The following ZNF628 variants were observed in gnomAD, a reference collection of about 807,000 sequenced individuals.
ZNF628 encodes the protein zinc finger protein 628.
A neutral mutation model predicts 2.5 loss-of-function variants in ZNF628; 3 were observed. The observed-to-expected ratio is 1.19, with a 90% CI of 0.54 to 3.07. The LOEUF (loss-of-function observed/expected upper bound fraction) is 3.07, where lower values mean the gene tolerates loss of function less well. Ranked by LOEUF, ZNF628 falls within the 30% of genes most tolerant of loss-of-function variation. The probability of loss-of-function intolerance (pLI) is 0.03; values close to 1 mark genes in which losing one functional copy is unlikely to be tolerated. For missense variants in ZNF628, 1,610 were observed against 1,517.1 expected (o/e 1.06, Z -1.02); for synonymous variants, 861 against 717.1 (o/e 1.20, Z -3.21).
chr19:55,480,249 C>CTTTTTTT (rs35704154), intron 2 of ZNF628, among the ~76,000 whole-genome samples: 1 of 128,226 alleles, frequency 7.8e-6, no homozygotes, highest in African/African-American at 3.0e-5. Flanking sequence ...TTTTTTTTTC[C>CTTTTTTT]TTTTTTTTTT....
chr19:55,480,273 T>G (rs1599897724), intron 2 of ZNF628, among the ~76,000 whole-genome samples: 23 of 113,694 alleles, frequency 2.0e-4, no homozygotes, highest in South Asian at 5.4e-4. Context: ...TGAGATGGAG[T>G]CTCTCTCTAT....
chr19:55,480,592 T>C (rs1986674391), intron 2 of ZNF628, among the ~76,000 whole-genome samples: 1 of 152,102 alleles, frequency 6.6e-6, no homozygotes, highest in South Asian at 2.1e-4. Context: ...GGCTAATTTT[T>C]GTATTTTTAA....
chr19:55,481,281 C>T lies in ZNF628; in HGVS notation c.88C>T (p.Pro30Ser). 1.9e-6 allele frequency: 3 copies of T among 1,600,246 alleles called. No individual in the cohort carries two copies. Among genetic ancestry groups the T allele is most frequent in the Non-Finnish European group, 2.6e-6 (3 of 1,174,962 alleles). Residue 30 changes from proline to serine, a missense_variant, in exon 3 of 3, where the codon CCT becomes TCT. By Grantham distance (74) the Pro-to-Ser change is moderately conservative. Around this residue, in one of 5 missense-constraint regions of ZNF628, gnomAD observed 60 missense variants for 46.8 expected, o/e 1.28. Coordinates refer to ENST00000598519, the MANE Select transcript of ZNF628 (RefSeq NM_033113.3). ...CGGGGAGAAGCCAGGCCCTGCGGCC[C>T]CTGCCCCGGCGGCCCAGTACGAATG... ...GAGEKPGPAAPAPAAQYECGE... is the reference protein window; with the variant it reads ...GAGEKPGPAASAPAAQYECGE...
Position 55,483,430 on chromosome 19 carries a change from C to T in ZNF628, c.2237C>T (p.Pro746Leu). 1 of 1,518,038 alleles carries T rather than the reference C, an allele frequency of 6.6e-7. No homozygotes were observed. 94.0% of individuals were successfully genotyped at this position (1,518,038 alleles called of 1,614,324 possible). A position where few individuals can be genotyped will look rare whatever the true frequency, so the allele number is the denominator to read the frequency against. The stretch of plus-strand genomic sequence containing the variant: ...GCACCTCCCAAGCTCATCCTGCTGC[C>T]CTCCTCCAGTGCTGGGGCTGGGGGC... ...PPAPPKLILL[P>L]SSSAGAGGGR... The change falls in exon 3 of 3, where the codon CCC becomes CTC. Residue 746 changes from proline (P) to leucine (L), a missense_variant. Coordinates refer to ENST00000598519, the MANE Select transcript of ZNF628 (RefSeq NM_033113.3).
At position 55,481,834 on chromosome 19, in the gene ZNF628, C is replaced by G. The variant is rs775868409; in HGVS notation, c.641C>G (p.Thr214Ser). The stretch of plus-strand genomic sequence containing the variant: ...TGCCCGCTCTGCCCCAAGACCTTCA[C>G]CCACTCCTCCAACCTGCTGCTGCAC... ...FRCPLCPKTF[T>S]HSSNLLLHQR... Residue 214 changes from threonine (T) to serine (S), a missense_variant, in exon 3 of 3, where the codon ACC becomes AGC. Around this residue, in one of 5 missense-constraint regions of ZNF628, gnomAD observed 651 missense variants for 575.6 expected, o/e 1.13. Transcript: ENST00000598519. 1 of 1,594,392 alleles carries G rather than the reference C, an allele frequency of 6.3e-7. No homozygotes were observed. The highest frequency in any genetic ancestry group is 8.5e-7 in the Non-Finnish European group (1 of 1,172,072).
Position 55,481,935 on chromosome 19 carries a change from A to C in ZNF628, c.742A>C (p.Lys248Gln). 4 of 1,430,056 alleles carry C rather than the reference A, an allele frequency of 2.8e-6. No homozygotes were observed. Among genetic ancestry groups the C allele is most frequent in the Non-Finnish European group, 3.7e-6 (4 of 1,095,156 alleles). The allele number at this position is 1,430,056 out of a possible 1,614,324, so 88.6% of individuals were successfully genotyped here. A position where few individuals can be genotyped will look rare whatever the true frequency, so the allele number is the denominator to read the frequency against. ...GCCCCCCCAGTCCCGGGAGCCCGGC[A>C]AGGTCTTCGTGTGCGACGCCTACCT... is the stretch of plus-strand genomic sequence containing the variant. ...APPPQSREPG[K>Q]VFVCDAYLQR... The change falls in exon 3 of 3, where the codon AAG (lysine) becomes CAG (glutamine). Residue 248 changes from lysine to glutamine, a missense_variant. Lys to Gln is a moderately conservative substitution (Grantham distance 53, BLOSUM62 1). This residue lies in a region of ZNF628 where 651 missense variants were observed against 575.6 expected (regional missense o/e 1.13). Coordinates refer to ENST00000598519, the MANE Select transcript of ZNF628 (RefSeq NM_033113.3).
rs763096386 is a variant in ZNF628 at position 55,481,285 on chromosome 19, C to A, written c.92C>A (p.Ala31Asp). Residue 31 changes from alanine to aspartate, a missense_variant, in exon 3 of 3, where the codon GCC becomes GAC. Coordinates refer to ENST00000598519, the MANE Select transcript of ZNF628 (RefSeq NM_033113.3). Reference sequence around the variant, plus strand: ...GAGAAGCCAGGCCCTGCGGCCCCTGCCCCGGCGGCCCAGTACGAATGTGGG... The same window carrying A: ...GAGAAGCCAGGCCCTGCGGCCCCTGACCCGGCGGCCCAGTACGAATGTGGG... ...AGEKPGPAAPAPAAQYECGEC... is the reference protein window; with the variant it reads ...AGEKPGPAAPDPAAQYECGEC... 1.2e-5 allele frequency: 19 copies of A among 1,601,308 alleles called. No individual in the cohort carries two copies. The highest frequency in any genetic ancestry group is 1.6e-4 in the Middle Eastern group (1 of 6,068).
At position 55,483,971 on chromosome 19, in the gene ZNF628, A is replaced by C; in HGVS notation, c.2778A>C (p.Thr926=). The C allele has an allele frequency of 6.4e-7, 1 of 1,573,714 alleles. No individual in the cohort carries two copies. Among genetic ancestry groups the C allele is most frequent in the Non-Finnish European group, 8.6e-7 (1 of 1,157,682 alleles). The change falls in exon 3 of 3, where the codon ACA becomes ACC. Residue 926 remains threonine, a synonymous_variant. Transcript: ENST00000598519. ...TGVVQDVLFE[T]LQTDEGLQSV... ...TGGTCCAGGATGTCCTCTTTGAGAC[A>C]CTCCAGACGGACGAGGGCTTGCAGA...
chr19:55,481,062 C>T (rs1599898142), intron 2 of ZNF628, 139 bp from the exon 3 acceptor site: 1 of 1,158,282 alleles, frequency 8.6e-7, no homozygotes, highest in East Asian at 2.6e-5. Flanking sequence ...CCATTGGAGA[C>T]CCTCATCCTA....
In ZNF628 at chr19:55,483,419, CATCCTGCTGCCCTCCT is replaced by C; in HGVS notation, c.2227_2242del (p.Ile743ProfsTer35). 6.6e-7 allele frequency: 1 copy of C among 1,522,672 alleles called. No homozygotes were observed. The allele number at this position is 1,522,672 out of a possible 1,614,324, so 94.3% of individuals were successfully genotyped here. A position where few individuals can be genotyped will look rare whatever the true frequency, so the allele number is the denominator to read the frequency against. ...CGCCCCCTCCCGCACCTCCCAAGCTCATCCTGCTGCCCTCCTCCAGTGCTGGGGCTGGGGGCGGCCG... is the reference window on the plus strand; with the variant it reads ...CGCCCCCTCCCGCACCTCCCAAGCTCCCAGTGCTGGGGCTGGGGGCGGCCG... On this transcript the variant is annotated frameshift_variant, in exon 3 of 3. Coordinates refer to ENST00000598519, the MANE Select transcript of ZNF628 (RefSeq NM_033113.3). LOFTEE classifies it low-confidence loss of function (END_TRUNC).
At chr19:55,478,921 T>C (rs1333736057) in intron 1 of ZNF628, among the ~76,000 whole-genome samples, 1 of 152,128 alleles carries the variant, frequency 6.6e-6, no homozygotes, top group East Asian at 1.9e-4. Flanking sequence ...CATAGTTAGA[T>C]TTTGGGCATG....
Position 55,483,761 on chromosome 19 carries a change from C to G in ZNF628, c.2568C>G (p.Leu856=). 7 of 1,613,584 alleles carry G rather than the reference C, an allele frequency of 4.3e-6. No homozygotes were observed. Among genetic ancestry groups the G allele is most frequent in the Non-Finnish European group, 5.1e-6 (6 of 1,179,658 alleles). ...CACAGGAAGTAACCACGGTCCAGCT[C>G]CAGCCAGCACAGGAGGTGACCACGG... ...QPAQEVTTVQ[L]QPAQEVTTVQ... is the part of the protein sequence containing the mutation. The change falls in exon 3 of 3, where the codon CTC becomes CTG. Residue 856 remains leucine (L), a synonymous_variant. Transcript: ENST00000598519.
Position 55,481,685 on chromosome 19 carries a change from G to A in ZNF628, c.492G>A (p.Arg164=). The change falls in exon 3 of 3, where the codon CGG becomes CGA. Residue 164 remains arginine, a synonymous_variant. Transcript: ENST00000598519. ...CCTTCAAGAACTCGTCCAGCCTGCGGCGCCACCGCCACGTGCACACCGGCG... is the reference window on the plus strand; with the variant it reads ...CCTTCAAGAACTCGTCCAGCCTGCGACGCCACCGCCACGTGCACACCGGCG... ...PKAFKNSSSL[R]RHRHVHTGER... is the part of the protein sequence containing the mutation. 3 of 1,612,820 alleles carry A rather than the reference G, an allele frequency of 1.9e-6. No individual in the cohort carries two copies. Among genetic ancestry groups the A allele is most frequent in the Non-Finnish European group, 2.5e-6 (3 of 1,179,548 alleles).
chr19:55,481,612 G>T lies in ZNF628; in HGVS notation c.419G>T (p.Arg140Met), dbSNP rs771358229. ...KWSSHYQYHLRQHTGERPYPC... is the reference protein window; with the variant it reads ...KWSSHYQYHLMQHTGERPYPC... ...TCGTCCCACTACCAGTACCACTTAA[G>T]GCAGCACACAGGCGAGCGCCCCTAC... Residue 140 changes from arginine to methionine, a missense_variant, in exon 3 of 3, where the codon AGG becomes ATG. Transcript: ENST00000598519. 6.2e-7 allele frequency: 1 copy of T among 1,610,150 alleles called. No individual in the cohort carries two copies. Among genetic ancestry groups the T allele is most frequent in the Non-Finnish European group, 8.5e-7 (1 of 1,177,526 alleles).
chr19:55,482,149 C>T lies in ZNF628; in HGVS notation c.956C>T (p.Pro319Leu). 6.7e-7 allele frequency: 1 copy of T among 1,501,104 alleles called. No homozygotes were observed. Among genetic ancestry groups the T allele is most frequent in the Non-Finnish European group, 8.9e-7 (1 of 1,129,064 alleles). 93.0% of individuals were successfully genotyped at this position (1,501,104 alleles called of 1,614,324 possible). A position where few individuals can be genotyped will look rare whatever the true frequency, so the allele number is the denominator to read the frequency against. ...CTGGAGCACCAGCCGTGCCCCGGGCCCGATGCGGCGCCCCAGCCCCAGGAG... is the reference window on the plus strand; with the variant it reads ...CTGGAGCACCAGCCGTGCCCCGGGCTCGATGCGGCGCCCCAGCCCCAGGAG... ...LLLEHQPCPG[P>L]DAAPQPQEAP... Residue 319 changes from proline (P) to leucine (L), a missense_variant, in exon 3 of 3, where the codon CCC becomes CTC. Transcript: ENST00000598519.
In ZNF628 at chr19:55,484,048, A is replaced by C; in HGVS notation, c.2855A>C (p.Gln952Pro). ...ADGEQTRLCV[Q>P]EVETLPPGLT... ...GGCGAACAGACTCGACTCTGCGTAC[A>C]GGAGGTAGAAACACTTCCTCCTGGG... is the stretch of plus-strand genomic sequence containing the variant. Residue 952 changes from glutamine to proline, a missense_variant, in exon 3 of 3, where the codon CAG becomes CCG. Physicochemically the swap from Gln to Pro is moderately conservative, Grantham distance 76. Transcript: ENST00000598519. 1 of 1,594,348 alleles carries C rather than the reference A, an allele frequency of 6.3e-7. No homozygotes were observed. Among genetic ancestry groups the C allele is most frequent in the Non-Finnish European group, 8.5e-7 (1 of 1,171,272 alleles).
In ZNF628 at chr19:55,482,802, C is replaced by T. The variant is rs918332242; in HGVS notation, c.1609C>T (p.Pro537Ser). ...YHLRLHSGER[P>S]YACGECGKAF... Reference sequence around the variant, plus strand: ...CCTGCGGCTGCACTCTGGCGAGCGGCCCTACGCCTGCGGGGAGTGTGGCAA... The same window carrying T: ...CCTGCGGCTGCACTCTGGCGAGCGGTCCTACGCCTGCGGGGAGTGTGGCAA... Residue 537 changes from proline to serine, a missense_variant, in exon 3 of 3, where the codon CCC becomes TCC. By Grantham distance (74) the Pro-to-Ser change is moderately conservative. Coordinates refer to ENST00000598519, the MANE Select transcript of ZNF628 (RefSeq NM_033113.3). 2.5e-6 allele frequency: 4 copies of T among 1,611,026 alleles called. No individual in the cohort carries two copies. The highest frequency in any genetic ancestry group is 3.4e-6 in the Non-Finnish European group (4 of 1,178,502).
In ZNF628 at chr19:55,482,010, C is replaced by T; in HGVS notation, c.817C>T (p.Pro273Ser). Residue 273 changes from proline (P) to serine (S), a missense_variant, in exon 3 of 3, where the codon CCC becomes TCC. Physicochemically the swap from Pro to Ser is moderately conservative, Grantham distance 74. Coordinates refer to ENST00000598519, the MANE Select transcript of ZNF628 (RefSeq NM_033113.3). The part of the protein sequence containing the change: ...HSPPAPPAPP[P>S]PPPPVVPELF... Reference sequence around the variant, plus strand: ...CCCGCCCGCGCCTCCCGCCCCGCCGCCCCCGCCCCCGCCCGTGGTGCCTGA... The same window carrying T: ...CCCGCCCGCGCCTCCCGCCCCGCCGTCCCCGCCCCCGCCCGTGGTGCCTGA... 1 of 1,473,460 alleles carries T rather than the reference C, an allele frequency of 6.8e-7. No individual in the cohort carries two copies. The highest frequency in any genetic ancestry group is 9.0e-7 in the Non-Finnish European group (1 of 1,116,336). The allele number at this position is 1,473,460 out of a possible 1,614,324, so 91.3% of individuals were successfully genotyped here. A position where few individuals can be genotyped will look rare whatever the true frequency, so the allele number is the denominator to read the frequency against.
intron 2 of ZNF628, among the ~76,000 whole-genome samples, chr19:55,480,798 A>T (rs2123410207): frequency 6.6e-6 from 1 of 152,272 alleles, no homozygotes; most frequent in East Asian, 1.9e-4. Flanking sequence ...GATGGAGGAT[A>T]AGGTCTTAGA....
Sources: gnomAD v4.1 joint callset for allele counts (sites outside exome capture counted in the v4.1 genomes callset) on GRCh38, gnomAD v4.1.1 for gene constraint, gnomAD v4.1.1 regional missense constraint, MANE v1.5 for transcripts, NCBI Gene and HGNC (gene_info 2026-07-23, HGNC 2026-07-21) for gene names.